Variants in CCDC178 observed in about 807,000 individuals in gnomAD.
The protein encoded by CCDC178 is coiled-coil domain-containing protein 178.
A neutral mutation model predicts 117.4 loss-of-function variants in CCDC178; 126 were observed. The observed-to-expected ratio is 1.07, with a 90% CI of 0.93 to 1.24. The LOEUF (loss-of-function observed/expected upper bound fraction) is 1.24, where lower values mean the gene tolerates loss of function less well. Ranked by LOEUF, CCDC178 falls within the 50% of genes most tolerant of loss-of-function variation. CCDC178 has a pLI of 0.00. For missense variants in CCDC178, 1,030 were observed against 986.9 expected, an observed-to-expected ratio of 1.04 and a Z score of -0.59; for synonymous variants, 283 against 313.4, an observed-to-expected ratio of 0.90 and a Z score of 1.02.
chr18:33,389,398 C>T (rs2063535862), intron 5 of CCDC178, 142 bp downstream of exon 5: 1 of 350,416 alleles, frequency 2.9e-6, no homozygotes, highest in African/African-American at 2.1e-5. Flanking sequence ...TATATCTTTA[C>T]TATTATATAT....
rs1408686006 is a variant in CCDC178 at position 33,412,052 on chromosome 18, T to C, written c.37A>G (p.Arg13Gly). 6.6e-7 allele frequency: 1 copy of C among 1,506,840 alleles called. No individual in the cohort carries two copies. The highest frequency in any genetic ancestry group is 9.1e-7 in the Non-Finnish European group (1 of 1,093,704). 93.3% of individuals were successfully genotyped at this position (1,506,840 alleles called of 1,614,324 possible). Residue 13 changes from arginine (R) to glycine (G), a missense_variant, in exon 3 of 23, where the codon AGA (arginine) becomes GGA (glycine). Arg to Gly is a moderately radical substitution (Grantham distance 125, BLOSUM62 -2). Transcript: ENST00000383096. ...ENKTVSSSST[R>G]DDQTNIGLTC... ...TTACCTATATTGGTTTGATCATCTC[T>C]AGTGGAAGAAGAGGAAACTGTCTTG...
intron 20 of CCDC178, chr18:33,135,899 C>G (rs1024259866): frequency 6.6e-6 from 1 of 152,112 alleles, no homozygotes; most frequent in African/African-American, 2.4e-5. Context: ...GTTTACAGAG[C>G]CTGTGATCCA....
At chr18:33,433,171 T>A (rs1032308421) in intron 2 of CCDC178, among the ~76,000 whole-genome samples, 1 of 152,166 alleles carries the variant, frequency 6.6e-6, no homozygotes, top group Admixed American at 6.5e-5. Flanking sequence ...AAAATTCTAC[T>A]GAAAATTGTT....
intron 20 of CCDC178, among the ~76,000 whole-genome samples, chr18:33,156,196 C>T (rs187965): frequency 1.4e-5 from 2 of 145,708 alleles, no homozygotes; most frequent in African/African-American, 5.0e-5. Context: ...TCAAGCGATT[C>T]TCCTGCCTCA....
intron 21 of CCDC178, among the ~76,000 whole-genome samples, chr18:33,037,260 C>T (rs563272817): frequency 4.5e-4 from 69 of 151,920 alleles, no homozygotes; most frequent in African/African-American, 1.6e-3. Context: ...ACAAATAGTC[C>T]CAGATCTAAC....
intron 2 of CCDC178, among the ~76,000 whole-genome samples, chr18:33,433,813 G>GTGTGTGT (rs1435286034): frequency 7.3e-5 from 9 of 122,608 alleles, no homozygotes; most frequent in African/African-American, 2.6e-4. Flanking sequence ...TGTGTGTGTG[G>GTGTGTGT]AAAGATATTT....
intron 20 of CCDC178, among the ~76,000 whole-genome samples, chr18:33,191,383 A>G (rs186600867): frequency 2.0e-5 from 3 of 152,286 alleles, no homozygotes; most frequent in African/African-American, 4.8e-5. Context: ...ACTATCCCAT[A>G]TATTTTATAA....
intron 20 of CCDC178, among the ~76,000 whole-genome samples, chr18:33,097,436 C>T (rs904787865): frequency 1.3e-5 from 2 of 152,082 alleles, no homozygotes; most frequent in African/African-American, 4.8e-5. Context: ...TCGGCCTTGT[C>T]CAAATGTCTG....
At chr18:33,304,653 A>T (rs2062224371) in intron 11 of CCDC178, among the ~76,000 whole-genome samples, 1 of 152,164 alleles carries the variant, frequency 6.6e-6, no homozygotes, top group African/African-American at 2.4e-5. Context: ...AAGAAACAGG[A>T]TGCCTGGATA....
intron 20 of CCDC178, among the ~76,000 whole-genome samples, chr18:33,101,212 T>C (rs994456224): frequency 6.6e-5 from 10 of 151,530 alleles, no homozygotes; most frequent in Admixed American, 3.3e-4. Flanking sequence ...ACTATTCCTA[T>C]GCATTATAAT....
chr18:33,179,975 A>G (rs1416069339), intron 20 of CCDC178, among the ~76,000 whole-genome samples: 2 of 151,984 alleles, frequency 1.3e-5, no homozygotes, highest in Non-Finnish European at 2.9e-5. Context: ...CGCTGCAAAT[A>G]TCTGTTTTTT....
intron 21 of CCDC178, among the ~76,000 whole-genome samples, chr18:33,063,231 C>G (rs773682800): frequency 1.8e-4 from 27 of 152,118 alleles, no homozygotes; most frequent in African/African-American, 5.8e-4. Flanking sequence ...CCAACACATA[C>G]CTGCACTTGA....
At chr18:33,020,988 G>C (rs1365153600) in intron 21 of CCDC178, among the ~76,000 whole-genome samples, 1 of 152,182 alleles carries the variant, frequency 6.6e-6, no homozygotes, top group Non-Finnish European at 1.5e-5. Flanking sequence ...AAAACAATCA[G>C]TGGGAGAGTG....
At chr18:33,380,870 G>C (rs534244232) in intron 5 of CCDC178, among the ~76,000 whole-genome samples, 1 of 152,058 alleles carries the variant, frequency 6.6e-6, no homozygotes, top group East Asian at 1.9e-4. Context: ...TTAAACATTC[G>C]GATTTAGTCA....
At chr18:33,129,259 T>G (rs1385237992) in intron 20 of CCDC178, among the ~76,000 whole-genome samples, 1 of 152,128 alleles carries the variant, frequency 6.6e-6, no homozygotes, top group Non-Finnish European at 1.5e-5. Context: ...GTGAAAATAC[T>G]GTTGAGTGCA....
intron 2 of CCDC178, among the ~76,000 whole-genome samples, chr18:33,431,856 G>A (rs914788796): frequency 5.3e-5 from 8 of 152,104 alleles, no homozygotes; most frequent in African/African-American, 1.9e-4. Flanking sequence ...AAGGTTTTTG[G>A]CCTGGAGAAA....
intron 21 of CCDC178, among the ~76,000 whole-genome samples, chr18:33,027,843 G>A (rs928789374): frequency 2.0e-5 from 3 of 151,384 alleles, no homozygotes; most frequent in African/African-American, 4.8e-5. Context: ...AGATAACTAC[G>A]AAAACAACCT....
chr18:33,397,395 G>A (rs2063654196), intron 3 of CCDC178, among the ~76,000 whole-genome samples, 187 bp from the exon 4 acceptor site: 1 of 152,078 alleles, frequency 6.6e-6, no homozygotes, highest in Non-Finnish European at 1.5e-5. Context: ...GTGTTTCTCT[G>A]CAAAAGGGCA....
At chr18:33,426,082 T>C (rs569034833) in intron 2 of CCDC178, among the ~76,000 whole-genome samples, 1 of 152,292 alleles carries the variant, frequency 6.6e-6, no homozygotes, top group African/African-American at 2.4e-5. Context: ...TTAAGTATGA[T>C]ATAGAAGGGA....
Sources: gnomAD v4.1 joint callset for allele counts (sites outside exome capture counted in the v4.1 genomes callset) on GRCh38, gnomAD v4.1.1 for gene constraint, MANE v1.5 for transcripts, NCBI Gene and HGNC (gene_info 2026-07-23, HGNC 2026-07-21) for gene names.